Variants in ADARB2 observed in about 807,000 individuals in gnomAD.
ADARB2 encodes adenosine deaminase RNA specific B2 (inactive), also known as inactive double-stranded RNA-specific editase B2.
A neutral mutation model predicts 62.2 loss-of-function variants in ADARB2; 25 were observed. The observed-to-expected ratio is 0.40, with a 90% CI of 0.29 to 0.56. ADARB2 has a LOEUF of 0.56. Ranked by LOEUF, ADARB2 falls within the 20% of genes least tolerant of loss-of-function variation. ADARB2 has a pLI of 0.43. For synonymous variants in ADARB2, 572 were observed against 500.8 expected, an observed-to-expected ratio of 1.14 and a Z score of -1.90; for missense variants, 1,071 against 1,077.4, an observed-to-expected ratio of 0.99 and a Z score of 0.08.
chr10:1,540,503 A>G (rs545375024), intron 1 of ADARB2, among the ~76,000 whole-genome samples: 156 of 110,684 alleles, frequency 1.4e-3, no homozygotes, highest in Non-Finnish European at 2.7e-3. Flanking sequence ...ACCCTGGATC[A>G]CAGCCGCCCA....
At chr10:1,549,910 T>G (rs2131977000) in intron 1 of ADARB2, among the ~76,000 whole-genome samples, 1 of 152,248 alleles carries the variant, frequency 6.6e-6, no homozygotes, top group Non-Finnish European at 1.5e-5. Context: ...TAGATGGAGC[T>G]CTCTGTGCCC....
intron 1 of ADARB2, among the ~76,000 whole-genome samples, chr10:1,523,689 A>G (rs796925487): frequency 2.8e-5 from 4 of 145,000 alleles, no homozygotes; most frequent in African/African-American, 9.9e-5. Flanking sequence ...GATTTAGAGT[A>G]TCACTGAAAT....
chr10:1,329,415 C>A (rs884949), intron 3 of ADARB2, among the ~76,000 whole-genome samples: 34,210 of 152,222 alleles, frequency 0.22, 4,697 homozygotes, highest in Middle Eastern at 0.37. Context: ...GCAGGATGCC[C>A]TGACCTTTTG....
intron 1 of ADARB2, among the ~76,000 whole-genome samples, chr10:1,664,413 A>T (rs1383362001): frequency 6.6e-6 from 1 of 152,074 alleles, no homozygotes; most frequent in Non-Finnish European, 1.5e-5. Flanking sequence ...ACCATCCTGC[A>T]CTCCCACCAG....
intron 1 of ADARB2, among the ~76,000 whole-genome samples, chr10:1,590,735 C>T (rs1833241235): frequency 6.6e-6 from 1 of 152,178 alleles, no homozygotes; most frequent in African/African-American, 2.4e-5. Context: ...GGGTGGTTGC[C>T]AGAGCCGGAG....
At chr10:1,605,380 G>C (rs533820813) in intron 1 of ADARB2, among the ~76,000 whole-genome samples, 221 of 152,350 alleles carry the variant, frequency 1.5e-3, no homozygotes, top group African/African-American at 4.9e-3. Flanking sequence ...GCATTGCCCA[G>C]GGAGCGAGGT....
At chr10:1,721,339 A>G (rs1307302918) in intron 1 of ADARB2, among the ~76,000 whole-genome samples, 1 of 152,260 alleles carries the variant, frequency 6.6e-6, no homozygotes, top group Non-Finnish European at 1.5e-5. Context: ...GTTGACGTTG[A>G]CATAAAATAA....
At chr10:1,436,705 T>G (rs17156347) in intron 1 of ADARB2, among the ~76,000 whole-genome samples, 1 of 152,162 alleles carries the variant, frequency 6.6e-6, no homozygotes, top group South Asian at 2.1e-4. Context: ...CATTTCAAGT[T>G]TTACATTTTT....
rs139626814 is a variant in ADARB2 at position 1,300,830 on chromosome 10, G to A, written c.1078-29761C>T. ...TCCATGAGATATTACAACCCCACTT[G>A]TTCTTTCACCTTGATGTGGTCACTA... On this transcript the variant is annotated intron_variant, in intron 3 of 9. Coordinates refer to ENST00000381312, the MANE Select transcript of ADARB2 (RefSeq NM_018702.4). 2.2e-3 allele frequency among the ~76,000 whole-genome samples: 339 copies of A among 152,300 alleles called. 2 individuals carry two copies. The highest frequency in any genetic ancestry group is 7.3e-3 in the African/African-American group (303 of 41,574).
At chr10:1,386,905 T>C (rs993129692) in intron 1 of ADARB2, among the ~76,000 whole-genome samples, 1 of 151,854 alleles carries the variant, frequency 6.6e-6, no homozygotes, top group Non-Finnish European at 1.5e-5. Context: ...AGGTTTGAGA[T>C]CATAAAAGTA....
At chr10:1,324,432 T>C (rs1420998158) in intron 3 of ADARB2, among the ~76,000 whole-genome samples, 1 of 152,198 alleles carries the variant, frequency 6.6e-6, no homozygotes, top group Non-Finnish European at 1.5e-5. Flanking sequence ...AGAAAATTTG[T>C]AGTGATGTTT....
chr10:1,490,208 A>G (rs1831602329), intron 1 of ADARB2, among the ~76,000 whole-genome samples: 1 of 152,222 alleles, frequency 6.6e-6, no homozygotes, highest in African/African-American at 2.4e-5. Flanking sequence ...TTGCCTTGGG[A>G]ACTTGCCCTG....
At chr10:1,669,249 G>A (rs1317564137) in intron 1 of ADARB2, among the ~76,000 whole-genome samples, 1 of 152,132 alleles carries the variant, frequency 6.6e-6, no homozygotes, top group Non-Finnish European at 1.5e-5. Flanking sequence ...GAGGCCTGAG[G>A]AGATGATACC....
chr10:1,626,302 G>A (rs546127566), intron 1 of ADARB2, among the ~76,000 whole-genome samples: 37 of 142,900 alleles, frequency 2.6e-4, no homozygotes, highest in African/African-American at 8.9e-4. Flanking sequence ...CTGGACCTCG[G>A]ACGCTAACCC....
chr10:1,559,683 C>T lies in ADARB2; in HGVS notation c.100+177368G>A, dbSNP rs116135542. Among the ~76,000 whole-genome samples the T allele has an allele frequency of 1.8e-3, 273 of 152,330 alleles. 3 individuals carry two copies. The highest frequency in any genetic ancestry group is 6.4e-3 in the African/African-American group (265 of 41,562). ...CGAGAATCACACCAGAAAACAAATG[C>T]CTCGCTTAGCGACTCCACAGTCCTG... On this transcript the variant is annotated intron_variant, in intron 1 of 9. Coordinates refer to ENST00000381312, the MANE Select transcript of ADARB2 (RefSeq NM_018702.4).
intron 5 of ADARB2, 131 bp from the exon 6 acceptor site, chr10:1,233,976 T>C: frequency 4.2e-6 from 2 of 473,662 alleles, no homozygotes; most frequent in Non-Finnish European, 6.0e-6. Context: ...CTTTTTTTTT[T>C]CCTTTTTTTT....
At chr10:1,519,129 A>AG (rs1321137938) in intron 1 of ADARB2, among the ~76,000 whole-genome samples, 2 of 151,294 alleles carry the variant, frequency 1.3e-5, no homozygotes, top group Non-Finnish European at 2.9e-5. Flanking sequence ...ATTCCGTGTA[A>AG]TGTCTGCATG....
chr10:1,719,099 G>T (rs1031037098), intron 1 of ADARB2, among the ~76,000 whole-genome samples: 17 of 152,056 alleles, frequency 1.1e-4, no homozygotes, highest in African/African-American at 3.9e-4. Context: ...TAGTAGCTGG[G>T]ATTACAGGTG....
intron 1 of ADARB2, among the ~76,000 whole-genome samples, chr10:1,658,195 T>G (rs914209403): frequency 2.6e-5 from 4 of 151,948 alleles, no homozygotes; most frequent in African/African-American, 7.3e-5. Flanking sequence ...TCTATCTGAT[T>G]GTCTTTTTCT....
Sources: allele counts gnomAD v4.1 joint callset (sites outside exome capture counted in the v4.1 genomes callset), GRCh38; gene constraint gnomAD v4.1.1; transcripts MANE v1.5; gene names NCBI Gene and HGNC (gene_info 2026-07-23, HGNC 2026-07-21).